The following ERICH6B variants were observed in gnomAD, a reference collection of about 807,000 sequenced individuals.
The protein encoded by ERICH6B is glutamate-rich protein 6B.
In ERICH6B, 69 loss-of-function variants were observed where a neutral mutation model predicts 80.0. The observed-to-expected ratio is 0.86, with a 90% CI of 0.71 to 1.05. ERICH6B has a LOEUF of 1.05. Among genes scored for constraint, ERICH6B ranks in the 50% least tolerant of loss-of-function variants. ERICH6B has a pLI of 0.00. For missense variants in ERICH6B, 754 were observed against 796.1 expected (o/e 0.95, Z 0.64); for synonymous variants, 283 against 291.9 (o/e 0.97, Z 0.31).
Position 45,574,896 on chromosome 13 carries a change from A to G in ERICH6B, c.996T>C (p.Asp332=), listed in dbSNP as rs377082518. 118 of 1,551,436 alleles carry G rather than the reference A, an allele frequency of 7.6e-5. No individual in the cohort carries two copies. Among genetic ancestry groups the G allele is most frequent in the Non-Finnish European group, 9.8e-5 (112 of 1,146,982 alleles). ...LEFASKENFW[D]GITDESIDKL... ...TGTCAATGGACTCATCTGTTATACC[A>G]TCCCAAAAGTTCTCTTTAGAAGCAA... Residue 332 remains aspartate, a synonymous_variant, in exon 8 of 15, where the codon GAT becomes GAC. Transcript: ENST00000298738.
chr13:45,557,010 C>G (rs1874469781), intron 11 of ERICH6B, among the ~76,000 whole-genome samples: 1 of 152,128 alleles, frequency 6.6e-6, no homozygotes, highest in East Asian at 1.9e-4. Flanking sequence ...TAAGGAATCT[C>G]CACACTGTTT....
chr13:45,545,039 GCTC>G, intron 13 of ERICH6B, 54 bp from the exon 14 acceptor site: 1 of 1,372,460 alleles, frequency 7.3e-7, no homozygotes, highest in Non-Finnish European at 1.0e-6. Context: ...CTGGGCCTCT[GCTC>G]CTCCTCTTCT....
chr13:45,556,685 A>T (rs1413403544), intron 11 of ERICH6B, among the ~76,000 whole-genome samples: 1 of 152,120 alleles, frequency 6.6e-6, no homozygotes, highest in Admixed American at 6.5e-5. Context: ...TTCACTTAGA[A>T]TAATAGTCTC....
chr13:45,544,818 A>G lies in ERICH6B; in HGVS notation c.1814T>C (p.Ile605Thr), dbSNP rs1190207763. 5.8e-6 allele frequency: 9 copies of G among 1,551,574 alleles called. No individual in the cohort carries two copies. The East Asian group carries it at 1.7e-4, about 29-fold the overall frequency. Residue 605 changes from isoleucine (I) to threonine (T), a missense_variant, in exon 14 of 15, where the codon ATC (isoleucine) becomes ACC (threonine). Physicochemically the swap from Ile to Thr is moderately conservative, Grantham distance 89. Transcript: ENST00000298738. Reference protein sequence around the residue: ...QVQIRSQDKIIFCFTYEQKQI... With the variant: ...QVQIRSQDKITFCFTYEQKQI... The stretch of plus-strand genomic sequence containing the variant: ...CTTCTGTTCATAGGTGAAGCAGAAG[A>G]TGATCTTATCCTGGCTCCTTATTTG...
At chr13:45,581,036 C>T (rs1344337961) in intron 5 of ERICH6B, among the ~76,000 whole-genome samples, 2 of 152,136 alleles carry the variant, frequency 1.3e-5, no homozygotes, top group African/African-American at 4.8e-5. Flanking sequence ...AACCAAGTGG[C>T]TCCAAGGCCA....
At chr13:45,564,691 T>G (rs534471746) in intron 9 of ERICH6B, among the ~76,000 whole-genome samples, 17 of 152,336 alleles carry the variant, frequency 1.1e-4, no homozygotes, top group African/African-American at 4.1e-4. Context: ...GTTATTCACT[T>G]ATAATGCAAG....
intron 11 of ERICH6B, among the ~76,000 whole-genome samples, chr13:45,553,692 G>T (rs1401163742): frequency 4.6e-5 from 7 of 152,088 alleles, no homozygotes; most frequent in Admixed American, 6.6e-5. Context: ...AGAGAGCCAG[G>T]CTCCAGCAAT....
chr13:45,550,246 C>A lies in ERICH6B; in HGVS notation c.1478G>T (p.Gly493Val). Residue 493 changes from glycine (G) to valine (V), a missense_variant, in exon 12 of 15, where the codon GGG becomes GTG. By Grantham distance (109) the Gly-to-Val change is moderately radical. Transcript: ENST00000298738. ...CTGTGGATACTGTATCTGGCCTGTC[C>A]CATCAGGAAAGAGAATTTGATAGAC... ...KNVYQILFPD[G>V]TGQIHYPSGN... is the part of the protein sequence containing the mutation. The A allele has an allele frequency of 1.3e-6, 2 of 1,551,478 alleles. No individual in the cohort carries two copies. The highest frequency in any genetic ancestry group is 2.4e-5 in the South Asian group (2 of 84,048).
intron 4 of ERICH6B, 44 bp from the exon 5 acceptor site, chr13:45,587,276 C>T (rs1300553772): frequency 6.5e-7 from 1 of 1,540,500 alleles, no homozygotes; most frequent in Admixed American, 2.0e-5. Context: ...AGACAGGGGC[C>T]AGGTCAGGAA....
chr13:45,613,903 G>T (rs1329577030), intron 1 of ERICH6B, among the ~76,000 whole-genome samples: 1 of 152,174 alleles, frequency 6.6e-6, no homozygotes, highest in Non-Finnish European at 1.5e-5. Flanking sequence ...TCGGTGTTGG[G>T]CTGGGGGACT....
At chr13:45,588,911 C>T (rs1455602458) in intron 4 of ERICH6B, among the ~76,000 whole-genome samples, 2 of 152,112 alleles carry the variant, frequency 1.3e-5, no homozygotes, top group Non-Finnish European at 2.9e-5. Flanking sequence ...TTGGACCACT[C>T]GAGGCCTGCT....
intron 2 of ERICH6B, among the ~76,000 whole-genome samples, chr13:45,599,007 T>C (rs1593326047): frequency 6.6e-6 from 1 of 152,244 alleles, no homozygotes; most frequent in South Asian, 2.1e-4. Context: ...CATCTCCATC[T>C]GGCCCAAGCC....
chr13:45,606,566 T>TTC, intron 2 of ERICH6B, among the ~76,000 whole-genome samples: 1 of 78,798 alleles, frequency 1.3e-5, no homozygotes, highest in African/African-American at 3.8e-5. Context: ...TTTTTTTTTT[T>TTC]TTTTGGAGAC....
intron 10 of ERICH6B, among the ~76,000 whole-genome samples, chr13:45,563,054 T>C (rs1211197434): frequency 6.6e-6 from 1 of 152,216 alleles, no homozygotes; most frequent in Admixed American, 6.5e-5. Flanking sequence ...TGAATGAAGA[T>C]AGCTTAGTCC....
At position 45,577,546 on chromosome 13, in the gene ERICH6B, T is replaced by C. The variant is rs549870528; in HGVS notation, c.961+2387A>G. On this transcript the variant is annotated intron_variant, in intron 7 of 14. Coordinates refer to ENST00000298738, the MANE Select transcript of ERICH6B (RefSeq NM_182542.3). ...ATCTGCCGGCCTCAGCCTCCCAAAA[T>C]GCTGGGATTAAGAACAAATCTTAAC... 1.9e-4 allele frequency among the ~76,000 whole-genome samples: 29 copies of C among 152,246 alleles called. No individual in the cohort carries two copies. The South Asian group carries it at 5.8e-3, about 31-fold the overall frequency.
chr13:45,578,346 T>C (rs1277173997), intron 7 of ERICH6B, among the ~76,000 whole-genome samples: 1 of 152,240 alleles, frequency 6.6e-6, no homozygotes, highest in Non-Finnish European at 1.5e-5. Context: ...GTATTTGGAC[T>C]TGAGCCCAAG....
chr13:45,587,342 T>G, intron 4 of ERICH6B, 110 bp from the exon 5 acceptor site: 1 of 871,778 alleles, frequency 1.1e-6, no homozygotes, highest in Non-Finnish European at 1.8e-6. Context: ...CAGACCCAGA[T>G]GATGGACATC....
intron 8 of ERICH6B, 21 bp from the exon 9 acceptor site, chr13:45,568,472 GA>G: frequency 1.4e-6 from 2 of 1,465,180 alleles, no homozygotes; most frequent in Non-Finnish European, 9.0e-7. Flanking sequence ...ATCAAAGAAT[GA>G]AATATTCAGA....
intron 2 of ERICH6B, among the ~76,000 whole-genome samples, chr13:45,606,876 A>G (rs947754034): frequency 2.6e-5 from 4 of 151,884 alleles, no homozygotes; most frequent in African/African-American, 4.8e-5. Context: ...GATTCTGAAC[A>G]TGTTTGCTGC....
Sources: gnomAD v4.1 joint callset for allele counts (sites outside exome capture counted in the v4.1 genomes callset) on GRCh38, gnomAD v4.1.1 for gene constraint, MANE v1.5 for transcripts, NCBI Gene and HGNC (gene_info 2026-07-23, HGNC 2026-07-21) for gene names.